JAKMIP2: variants seen among roughly 807,000 people sequenced by gnomAD.
The protein encoded by JAKMIP2 is janus kinase and microtubule-interacting protein 2.
A neutral mutation model predicts 115.0 loss-of-function variants in JAKMIP2; 25 were observed. The ratio of observed to expected loss-of-function variants is 0.22; its 90% confidence interval spans 0.16 to 0.30. JAKMIP2 has a LOEUF of 0.30. Among genes scored for constraint, JAKMIP2 ranks in the 10% least tolerant of loss-of-function variants. The probability of loss-of-function intolerance (pLI) is 1.00; values close to 1 mark genes in which losing one functional copy is unlikely to be tolerated. For missense variants in JAKMIP2, 642 were observed against 957.6 expected (o/e 0.67, Z 4.35); for synonymous variants, 334 against 343.6 (o/e 0.97, Z 0.31).
chr5:147,654,285 T>C (rs751998971), intron 3 of JAKMIP2, among the ~76,000 whole-genome samples: 4 of 152,106 alleles, frequency 2.6e-5, no homozygotes, highest in Non-Finnish European at 4.4e-5. Flanking sequence ...ATAGTGTTGA[T>C]CTATAAATTA....
intron 18 of JAKMIP2, among the ~76,000 whole-genome samples, chr5:147,619,579 T>G (rs1281080464): frequency 5.9e-5 from 9 of 152,220 alleles, no homozygotes; most frequent in African/African-American, 1.9e-4. Context: ...GCTCTTTTTC[T>G]TTTGATTCAT....
At chr5:147,678,842 C>T (rs1237780983) in intron 1 of JAKMIP2, among the ~76,000 whole-genome samples, 6 of 151,856 alleles carry the variant, frequency 4.0e-5, no homozygotes, top group African/African-American at 1.5e-4. Context: ...AAAAACTTTT[C>T]AGAAGAAAAA....
At position 147,631,464 on chromosome 5, in the gene JAKMIP2, G is replaced by C; in HGVS notation, c.1824C>G (p.Phe608Leu). ...TCTGTAGAGCACTCACACCATCTGA[G>C]AATGGGTGAATTTGGAGATTAAATG... The part of the protein sequence containing the change: ...SPPFNLQIHP[F>L]SDGVSALQIY... Residue 608 changes from phenylalanine (F) to leucine (L), a missense_variant, in exon 14 of 22, where the codon TTC (phenylalanine) becomes TTG (leucine). Phe to Leu is a conservative substitution (Grantham distance 22). Around this residue, in one of 6 missense-constraint regions of JAKMIP2, gnomAD observed 103 missense variants for 177.6 expected, o/e 0.58. Coordinates refer to ENST00000616793, the MANE Select transcript of JAKMIP2 (RefSeq NM_001270941.2). 18 of 1,612,152 alleles carry C rather than the reference G, an allele frequency of 1.1e-5. No homozygotes were observed. Among genetic ancestry groups the C allele is most frequent in the Non-Finnish European group, 1.5e-5 (18 of 1,178,336 alleles).
intron 18 of JAKMIP2, among the ~76,000 whole-genome samples, chr5:147,619,634 T>C (rs1238604665): frequency 6.6e-6 from 1 of 152,208 alleles, no homozygotes; most frequent in Admixed American, 6.5e-5. Flanking sequence ...AGAAGAAATG[T>C]GAGCTGTAGT....
At position 147,639,573 on chromosome 5, in the gene JAKMIP2, G is replaced by A. The variant is rs1458450359; in HGVS notation, c.1530+59C>T. 11 of 1,549,966 alleles carry A rather than the reference G, an allele frequency of 7.1e-6. No homozygotes were observed. The East Asian group carries it at 1.8e-4, about 26-fold the overall frequency. Reference sequence around the variant, plus strand: ...TTATTGATATTTTTATGTCCACAGTGCTTTTATGCTGTGACTGCTGCACGC... The same window carrying A: ...TTATTGATATTTTTATGTCCACAGTACTTTTATGCTGTGACTGCTGCACGC... On this transcript the variant is annotated intron_variant, in intron 10 of 21. Coordinates refer to ENST00000616793, the MANE Select transcript of JAKMIP2 (RefSeq NM_001270941.2).
chr5:147,639,686 A>G lies in JAKMIP2; in HGVS notation c.1476T>C (p.Tyr492=), dbSNP rs139396188. The G allele has an allele frequency of 4.8e-3, 7,668 of 1,613,954 alleles. 38 individuals are homozygous for G. Among genetic ancestry groups the G allele is most frequent in the Non-Finnish European group, 4.7e-3 (5,566 of 1,179,904 alleles). The change falls in exon 10 of 22, where the codon TAT becomes TAC. Residue 492 remains tyrosine (Y), a synonymous_variant. Coordinates refer to ENST00000616793, the MANE Select transcript of JAKMIP2 (RefSeq NM_001270941.2). ...TKEYQALQRA[Y]ALLQEQTGGI... ...CTCCCGTCTGCTCCTGTAGGAGGGC[A>G]TATGCTCTTTGGAGGGCCTGATATT...
chr5:147,668,320 G>A (rs750486512), intron 2 of JAKMIP2, among the ~76,000 whole-genome samples: 3 of 152,130 alleles, frequency 2.0e-5, no homozygotes, highest in Admixed American at 6.5e-5. Context: ...GGGGCAGCCC[G>A]TGGCATGTTC....
chr5:147,769,820 G>C (rs536554703), intron 1 of JAKMIP2, among the ~76,000 whole-genome samples: 3 of 152,036 alleles, frequency 2.0e-5, no homozygotes, highest in Admixed American at 1.3e-4. Context: ...AAACCAGATG[G>C]AACTGCTGAC....
chr5:147,753,108 A>G (rs544673966), intron 1 of JAKMIP2, among the ~76,000 whole-genome samples: 2 of 152,298 alleles, frequency 1.3e-5, no homozygotes, highest in Admixed American at 1.3e-4. Flanking sequence ...GCTAAACCAC[A>G]AACTCTCAAG....
In JAKMIP2 at chr5:147,713,778, T is replaced by C. The variant is rs191424956; in HGVS notation, c.-148-41824A>G. On this transcript the variant is annotated intron_variant, in intron 1 of 21. Transcript: ENST00000616793. ...CTGAACGGAGGTTTTGGCAGACTAA[T>C]GGGGGCTAGATGGAAATAGCTGGTG... is the stretch of plus-strand genomic sequence containing the variant. 3.9e-5 allele frequency among the ~76,000 whole-genome samples: 6 copies of C among 152,196 alleles called. No homozygotes were observed. In the East Asian group the frequency reaches 1.2e-3, roughly 29 times the overall value.
chr5:147,592,246 G>T (rs1028620101), intron 21 of JAKMIP2, among the ~76,000 whole-genome samples: 1 of 152,126 alleles, frequency 6.6e-6, no homozygotes, highest in African/African-American at 2.4e-5. Context: ...GTTTCTGCAA[G>T]ATGTTATTTT....
At chr5:147,605,056 A>G (rs983831347) in intron 20 of JAKMIP2, among the ~76,000 whole-genome samples, 2 of 151,246 alleles carry the variant, frequency 1.3e-5, no homozygotes, top group Non-Finnish European at 2.9e-5. Context: ...ACTCCCACTT[A>G]TGAGTGAGAA....
intron 11 of JAKMIP2, 70 bp from the exon 12 acceptor site, chr5:147,636,354 C>T: frequency 3.8e-6 from 5 of 1,318,202 alleles, no homozygotes; most frequent in Non-Finnish European, 5.4e-6. Flanking sequence ...TGTCAAACCA[C>T]TTTGCCAGAG....
chr5:147,667,061 T>G (rs533216627), intron 2 of JAKMIP2, among the ~76,000 whole-genome samples: 1 of 152,186 alleles, frequency 6.6e-6, no homozygotes, highest in South Asian at 2.1e-4. Context: ...CAGAAAGAGA[T>G]GTTCAAAGAT....
chr5:147,673,493 T>C (rs1014749458), intron 1 of JAKMIP2, among the ~76,000 whole-genome samples: 1 of 152,148 alleles, frequency 6.6e-6, no homozygotes, highest in Non-Finnish European at 1.5e-5. Flanking sequence ...ACTGAAGCTA[T>C]GCTCTTTGGA....
At chr5:147,731,078 G>A (rs1753715161) in intron 1 of JAKMIP2, among the ~76,000 whole-genome samples, 1 of 152,122 alleles carries the variant, frequency 6.6e-6, no homozygotes, top group African/African-American at 2.4e-5. Context: ...CAAAATGAAT[G>A]GGCAGGAAAT....
intron 21 of JAKMIP2, among the ~76,000 whole-genome samples, chr5:147,593,565 A>G (rs543055073): frequency 1.3e-5 from 2 of 152,342 alleles, no homozygotes; most frequent in Admixed American, 1.3e-4. Context: ...TACTTGGCTC[A>G]TGCCTAAGGG....
In JAKMIP2 at chr5:147,639,651, T is replaced by G; in HGVS notation, c.1511A>C (p.Asp504Ala). The G allele has an allele frequency of 6.2e-7, 1 of 1,613,436 alleles. No homozygotes were observed. The highest frequency in any genetic ancestry group is 8.5e-7 in the Non-Finnish European group (1 of 1,179,710). ...ACTAACCTTGGCTTCTCGTTCAGCG[T>G]CGATGATGCCTCCCGTCTGCTCCTG... ...LLQEQTGGIIDAEREAKAQEQ... is the reference protein window; with the variant it reads ...LLQEQTGGIIAAEREAKAQEQ... Residue 504 changes from aspartate (D) to alanine (A), a missense_variant, in exon 10 of 22, where the codon GAC becomes GCC. By Grantham distance (126) the Asp-to-Ala change is moderately radical (BLOSUM62 -2). Transcript: ENST00000616793.
chr5:147,650,657 C>T, intron 3 of JAKMIP2, 110 bp from the exon 4 acceptor site: 1 of 805,632 alleles, frequency 1.2e-6, no homozygotes, highest in South Asian at 1.8e-5. Context: ...GAAAAAAAAT[C>T]ACGGATTTGA....
Sources: gnomAD v4.1 joint callset for allele counts (sites outside exome capture counted in the v4.1 genomes callset) on GRCh38, gnomAD v4.1.1 for gene constraint, gnomAD v4.1.1 regional missense constraint, MANE v1.5 for transcripts, NCBI Gene and HGNC (gene_info 2026-07-23, HGNC 2026-07-21) for gene names.